The following TMEM255B variants were observed in gnomAD, a reference collection of about 807,000 sequenced individuals.
TMEM255B encodes family with sequence similarity 70, member B.
A neutral mutation model predicts 34.5 loss-of-function variants in TMEM255B; 35 were observed. The ratio of observed to expected loss-of-function variants is 1.01; its 90% CI spans 0.77 to 1.34. TMEM255B has a LOEUF of 1.34. Among genes scored for constraint, TMEM255B ranks in the 40% most tolerant of loss-of-function variants. The pLI, the probability that TMEM255B is intolerant of heterozygous loss-of-function variation, is 0.00. For missense variants in TMEM255B, 432 were observed against 433.2 expected (o/e 1.00, Z 0.02); for synonymous variants, 206 against 201.2 (o/e 1.02, Z -0.20).
chr13:113,794,980 G>T (rs546886301), intron 3 of TMEM255B, among the ~76,000 whole-genome samples, 168 bp from the exon 4 acceptor site: 2 of 152,398 alleles, frequency 1.3e-5, no homozygotes, highest in Middle Eastern at 3.4e-3. Context: ...GACCCGCAGG[G>T]TGGAGTCCGG....
intron 4 of TMEM255B, among the ~76,000 whole-genome samples, chr13:113,797,988 G>A (rs1435657458): frequency 1.3e-5 from 2 of 152,204 alleles, no homozygotes; most frequent in Non-Finnish European, 2.9e-5. Context: ...TTACCATTTG[G>A]CACTGTGTCT....
At chr13:113,809,895 T>C (rs888295171) in intron 8 of TMEM255B, among the ~76,000 whole-genome samples, 11 of 152,128 alleles carry the variant, frequency 7.2e-5, no homozygotes, top group African/African-American at 2.7e-4. Flanking sequence ...TCTCACTCTG[T>C]CGCCTGTGGC....
In TMEM255B at chr13:113,779,182, A is replaced by G. The variant is rs371152988; in HGVS notation, c.252+10022A>G. 2.6e-5 allele frequency among the ~76,000 whole-genome samples: 4 copies of G among 152,278 alleles called. No individual in the cohort carries two copies. The East Asian group carries it at 7.7e-4, about 29-fold the overall frequency. ...ATTTGTGGTTTATGGTCACGCTGAT[A>G]TTAGACATTAGGTTGATGTTTTGCG... On this transcript the variant is annotated intron_variant, in intron 3 of 8. Transcript: ENST00000375353.
chr13:113,768,278 G>T (rs1056800909), intron 2 of TMEM255B: 1 of 466,716 alleles, frequency 2.1e-6, no homozygotes, highest in East Asian at 7.0e-5. Context: ...GGGTGTTGCT[G>T]AAATGCATGT....
chr13:113,783,150 G>A (rs532604864), intron 3 of TMEM255B, among the ~76,000 whole-genome samples: 5 of 152,248 alleles, frequency 3.3e-5, no homozygotes, highest in African/African-American at 9.6e-5. Flanking sequence ...TTTTAGCATC[G>A]CTTCAGTGAG....
At chr13:113,798,592 G>A (rs2050984453) in intron 4 of TMEM255B, among the ~76,000 whole-genome samples, 1 of 151,562 alleles carries the variant, frequency 6.6e-6, no homozygotes, top group Non-Finnish European at 1.5e-5. Context: ...AGGGATAATG[G>A]ATGATGGATG....
intron 8 of TMEM255B, among the ~76,000 whole-genome samples, chr13:113,807,990 A>G (rs983461828): frequency 7.2e-5 from 11 of 152,180 alleles, no homozygotes; most frequent in African/African-American, 2.4e-4. Context: ...GGGCCCTCAG[A>G]TGGCCCAGCC....
rs372877893 is a variant in TMEM255B, at chr13:113,811,780, G to C, written c.858G>C (p.Ser286=). ...TTGCGCCCTCCTCTGCCCTGGCTTC[G>C]TCTGAGGACCTGCAGCCCCCTTCTC... ...FPVAPSSALA[S]SEDLQPPSPS... is the part of the protein sequence containing the mutation. The change falls in exon 9 of 9, where the codon TCG becomes TCC. Residue 286 remains serine (S), a synonymous_variant. Transcript: ENST00000375353. 3 of 1,613,880 alleles carry C rather than the reference G, an allele frequency of 1.9e-6. No homozygotes were observed. The highest frequency in any genetic ancestry group is 2.5e-6 in the Non-Finnish European group (3 of 1,179,878).
chr13:113,804,192 G>T (rs577507238), intron 7 of TMEM255B, among the ~76,000 whole-genome samples: 6 of 152,236 alleles, frequency 3.9e-5, no homozygotes, highest in Non-Finnish European at 7.3e-5. Context: ...GATGAGGCCG[G>T]CCGGGGCCTG....
intron 3 of TMEM255B, among the ~76,000 whole-genome samples, chr13:113,792,225 A>G (rs1243177163): frequency 3.3e-5 from 5 of 152,244 alleles, no homozygotes. Context: ...GTTAGGTGTA[A>G]TTTCTGCCCG....
At chr13:113,805,118 C>T (rs993096521) in intron 8 of TMEM255B, 90 bp downstream of exon 8, 10 of 1,350,612 alleles carry the variant, frequency 7.4e-6, no homozygotes, top group Non-Finnish European at 9.7e-6. Context: ...GGGATGAGGT[C>T]TTGCAGCCGC....
chr13:113,768,320 A>G, intron 2 of TMEM255B: 1 of 449,886 alleles, frequency 2.2e-6, no homozygotes, highest in Non-Finnish European at 4.7e-6. Context: ...TTCCTCTGCC[A>G]GGTGGGCGTC....
At chr13:113,802,333 G>A (rs962472874) in intron 7 of TMEM255B, among the ~76,000 whole-genome samples, 11 of 152,206 alleles carry the variant, frequency 7.2e-5, no homozygotes, top group African/African-American at 2.2e-4. Flanking sequence ...GGCCCGGGCC[G>A]GATGTCCTCT....
rs2051356046 is a variant in TMEM255B, at chr13:113,812,997, G to GGCCCCGGGTGAGTCACA, written c.*1095_*1096insCCCCGGGTGAGTCACAG. The GGCCCCGGGTGAGTCACA allele has an allele frequency of 1.8e-5, 2 of 111,862 alleles. 1 individual carries two copies. Among genetic ancestry groups the GGCCCCGGGTGAGTCACA allele is most frequent in the South Asian group, 5.6e-4 (2 of 3,566 alleles). The allele number at this position is 111,862 out of a possible 1,614,324, so 6.9% of individuals were successfully genotyped here. ...GGGTCACGGGTCCCGGGTGGGTCACGGGTCCCGAGTGGGTCACGGGTCCCG... is the reference window on the plus strand; with the variant it reads ...GGGTCACGGGTCCCGGGTGGGTCACGGCCCCGGGTGAGTCACAGGTCCCGAGTGGGTCACGGGTCCCG... On this transcript the variant is annotated 3_prime_UTR_variant, in exon 9 of 9. Coordinates refer to ENST00000375353, the MANE Select transcript of TMEM255B (RefSeq NM_182614.4).
At chr13:113,794,555 G>A (rs748361839) in intron 3 of TMEM255B, among the ~76,000 whole-genome samples, 5 of 152,028 alleles carry the variant, frequency 3.3e-5, no homozygotes, top group Admixed American at 1.3e-4. Flanking sequence ...GACAGCACCC[G>A]CCCTCTGGTC....
At chr13:113,810,945 C>T (rs2051285681) in intron 8 of TMEM255B, among the ~76,000 whole-genome samples, 1 of 152,100 alleles carries the variant, frequency 6.6e-6, no homozygotes, top group Admixed American at 6.5e-5. Context: ...CCTGGTGGAC[C>T]CTAACTGTTG....
rs1299794302 is a variant in TMEM255B at position 113,802,396 on chromosome 13, C to T, written c.669+584C>T. ...GCGCCTGTTTCAAACCAGATGTTCTCGTGGTGTGCGGCCAGCAAACCCCGC... is the reference window on the plus strand; with the variant it reads ...GCGCCTGTTTCAAACCAGATGTTCTTGTGGTGTGCGGCCAGCAAACCCCGC... On this transcript the variant is annotated intron_variant, in intron 7 of 8. Coordinates refer to ENST00000375353, the MANE Select transcript of TMEM255B (RefSeq NM_182614.4). Among the ~76,000 whole-genome samples the T allele has an allele frequency of 2.0e-5, 3 of 152,306 alleles. No individual in the cohort carries two copies. In the East Asian group the frequency reaches 5.8e-4, roughly 29 times the overall value.
chr13:113,782,459 G>A (rs1332490693), intron 3 of TMEM255B, among the ~76,000 whole-genome samples: 1 of 152,150 alleles, frequency 6.6e-6, no homozygotes, highest in African/African-American at 2.4e-5. Context: ...GAAAACTGTG[G>A]TAATCATTTA....
rs151112808 is a variant in TMEM255B at position 113,796,957 on chromosome 13, G to GCA, written c.342+1730_342+1731dup. Reference sequence around the variant, plus strand: ...ACGGCCCACATGCTCACACTCGCGCGCACACACACACTCCCACGGAGGTGC... The same window carrying GCA: ...ACGGCCCACATGCTCACACTCGCGCGCACACACACACACTCCCACGGAGGTGC... On this transcript the variant is annotated intron_variant, in intron 4 of 8. Transcript: ENST00000375353. Among the ~76,000 whole-genome samples the GCA allele has an allele frequency of 2.6e-5, 4 of 151,924 alleles. No homozygotes were observed. The South Asian group carries it at 8.3e-4, about 32-fold the overall frequency.
Sources: allele counts gnomAD v4.1 joint callset (sites outside exome capture counted in the v4.1 genomes callset), GRCh38; gene constraint gnomAD v4.1.1; transcripts MANE v1.5; gene names NCBI Gene and HGNC (gene_info 2026-07-23, HGNC 2026-07-21).